The following RUFY3 variants were observed in gnomAD, a reference collection of about 807,000 sequenced individuals.
The protein encoded by RUFY3 is RUN and FYVE domain containing 3, also known as protein RUFY3.
Under a neutral mutation model 84.0 loss-of-function variants are expected in RUFY3, and 34 were observed. That is an observed-to-expected ratio of 0.40 (90% CI 0.31 to 0.54). RUFY3 has a LOEUF of 0.54. Ranked by LOEUF, RUFY3 falls within the 20% of genes least tolerant of loss-of-function variation. The probability of loss-of-function intolerance (pLI) is 0.39; values close to 1 mark genes in which losing one functional copy is unlikely to be tolerated. For synonymous variants in RUFY3, 242 were observed against 252.9 expected (o/e 0.96, Z 0.41); for missense variants, 507 against 736.8 (o/e 0.69, Z 3.61).
At chr4:70,792,351 A>G (rs533895909) in intron 12 of RUFY3, 1 of 966,544 alleles carries the variant, frequency 1.0e-6, no homozygotes, top group Admixed American at 6.1e-5. Context: ...CAGAATAGGA[A>G]GTAAATGATA....
intron 12 of RUFY3, chr4:70,793,237 T>G: frequency 4.1e-6 from 4 of 986,390 alleles, no homozygotes; most frequent in Non-Finnish European, 4.8e-6. Context: ...CTTTTCCTTA[T>G]AGAATAACCC....
chr4:70,707,750 T>C (rs1411141225), intron 1 of RUFY3, among the ~76,000 whole-genome samples: 1 of 149,636 alleles, frequency 6.7e-6, no homozygotes, highest in Non-Finnish European at 1.5e-5. Context: ...TATTTAAATA[T>C]AAAATTGATT....
At chr4:70,767,259 ATTT>A (rs779388140) in intron 4 of RUFY3, among the ~76,000 whole-genome samples, 995 of 49,530 alleles carry the variant, frequency 0.02, 2 homozygotes, top group Non-Finnish European at 0.031. Context: ...CTAATTTTGT[ATTT>A]TTTTTTTTTT....
At chr4:70,717,566 A>T (rs914900062), upstream of RUFY3, among the ~76,000 whole-genome samples, 2 of 152,096 alleles carry the variant, frequency 1.3e-5, no homozygotes, top group African/African-American at 4.8e-5. Context: ...AGGAAATTTC[A>T]TGAAGAGACT....
At chr4:70,719,470 T>A (rs1037459615), upstream of RUFY3, among the ~76,000 whole-genome samples, 1 of 152,222 alleles carries the variant, frequency 6.6e-6, no homozygotes, top group Non-Finnish European at 1.5e-5. Flanking sequence ...CAAGGCCAAA[T>A]TCAGGTTTTG....
chr4:70,782,530 G>A (rs551019176), intron 8 of RUFY3, among the ~76,000 whole-genome samples: 3 of 151,862 alleles, frequency 2.0e-5, no homozygotes, highest in South Asian at 4.2e-4. Flanking sequence ...TGATCCGCTC[G>A]CATCAGCCTC....
intron 1 of RUFY3, among the ~76,000 whole-genome samples, chr4:70,733,412 C>T (rs1719782241): frequency 6.6e-6 from 1 of 152,050 alleles, no homozygotes; most frequent in Admixed American, 6.5e-5. Flanking sequence ...TTGGTACATC[C>T]TTTATAGAAA....
chr4:70,730,750 T>TA (rs147279603), intron 1 of RUFY3, among the ~76,000 whole-genome samples: 13,931 of 151,444 alleles, frequency 0.092, 1,377 homozygotes, highest in African/African-American at 0.24. Context: ...TCTCAAAAAT[T>TA]AAAAAAAGTA....
chr4:70,802,776 A>G (rs1732388176), intron 15 of RUFY3, 180 bp from the exon 16 acceptor site: 1 of 476,156 alleles, frequency 2.1e-6, no homozygotes, highest in Non-Finnish European at 3.7e-6. Flanking sequence ...CATTTTAAGA[A>G]GCAAAGTTTC....
At chr4:70,798,750 G>A (rs1225683507) in intron 14 of RUFY3, among the ~76,000 whole-genome samples, 1 of 151,958 alleles carries the variant, frequency 6.6e-6, no homozygotes, top group Non-Finnish European at 1.5e-5. Context: ...AGGTTGCAGC[G>A]AGCCAAGATC....
chr4:70,704,379 G>A (rs1026734872), upstream of RUFY3: 2 of 152,288 alleles, frequency 1.3e-5, no homozygotes, highest in Non-Finnish European at 2.9e-5. Flanking sequence ...GCAGGGAGGT[G>A]CTTTTTTAAA....
intron 11 of RUFY3, 103 bp from the exon 12 acceptor site, chr4:70,789,392 G>C (rs1195172863): frequency 1.8e-6 from 2 of 1,100,664 alleles, no homozygotes; most frequent in Non-Finnish European, 2.6e-6. Flanking sequence ...TGAAATATAT[G>C]AACATTTCTG....
Position 70,783,257 on chromosome 4 carries a change from A to G in RUFY3, c.987+74A>G, listed in dbSNP as rs530553827. 6 of 924,016 alleles carry G rather than the reference A, an allele frequency of 6.5e-6. No homozygotes were observed. In the South Asian group the frequency reaches 8.7e-5, roughly 13 times the overall value. The allele number at this position is 924,016 out of a possible 1,614,324, so 57.2% of individuals were successfully genotyped here. The stretch of plus-strand genomic sequence containing the variant: ...GTTAGTGGTAAAGGGGAGTCTCTAA[A>G]GGACTATTTTAAGCAGCTGGCCTGT... On this transcript the variant is annotated intron_variant, in intron 9 of 17. Transcript: ENST00000381006.
chr4:70,749,884 T>C (rs1722856941), intron 1 of RUFY3, among the ~76,000 whole-genome samples: 4 of 152,028 alleles, frequency 2.6e-5, no homozygotes, highest in Admixed American at 2.6e-4. Flanking sequence ...ACTCCTGAGG[T>C]CAAGCTATCC....
chr4:70,744,568 C>G (rs1721867071), intron 1 of RUFY3, among the ~76,000 whole-genome samples: 2 of 152,132 alleles, frequency 1.3e-5, no homozygotes, highest in South Asian at 2.1e-4. Flanking sequence ...TTTAAAATAA[C>G]AGACTCTAGT....
At chr4:70,727,386 C>T (rs1718438772) in intron 1 of RUFY3, among the ~76,000 whole-genome samples, 2 of 134,438 alleles carry the variant, frequency 1.5e-5, no homozygotes, top group African/African-American at 2.9e-5. Flanking sequence ...GACAGAGTCT[C>T]ACTCTGTTGC....
At position 70,788,980 on chromosome 4, in the gene RUFY3, G is replaced by T; in HGVS notation, c.1239+7G>T. 1.2e-6 allele frequency: 2 copies of T among 1,613,560 alleles called. No homozygotes were observed. Among genetic ancestry groups the T allele is most frequent in the East Asian group, 2.2e-5 (1 of 44,880 alleles). ...ACTTGCCTTTAAGCTGCAGGTAGGG[G>T]AAATATGAGGAATAGACTCACTGGC... On this transcript the variant is annotated splice_region_variant and intron_variant, in intron 11 of 17. Coordinates refer to ENST00000381006, the MANE Select transcript of RUFY3 (RefSeq NM_001037442.4).
chr4:70,761,999 G>C (rs554888404), intron 1 of RUFY3, among the ~76,000 whole-genome samples: 8 of 152,252 alleles, frequency 5.3e-5, no homozygotes, highest in Admixed American at 4.6e-4. Context: ...TAGGGTGATA[G>C]CAGAGGTGGT....
intron 7 of RUFY3, among the ~76,000 whole-genome samples, chr4:70,775,900 C>T (rs952430606): frequency 8.2e-5 from 12 of 145,712 alleles, no homozygotes; most frequent in African/African-American, 3.1e-4. Flanking sequence ...CTGGTCTTGC[C>T]ATTACACCCC....
Sources: gnomAD v4.1 joint callset for allele counts (sites outside exome capture counted in the v4.1 genomes callset) on GRCh38, gnomAD v4.1.1 for gene constraint, MANE v1.5 for transcripts, NCBI Gene and HGNC (gene_info 2026-07-23, HGNC 2026-07-21) for gene names.